The following LRRC7 variants were observed in gnomAD, a reference collection of about 807,000 sequenced individuals.
The protein encoded by LRRC7 is leucine rich repeat containing 7, also known as leucine-rich repeat-containing protein 7.
In LRRC7, 23 loss-of-function variants were observed where a neutral mutation model predicts 175.7. The ratio of observed to expected loss-of-function variants is 0.13; its 90% CI spans 0.09 to 0.19. The LOEUF (loss-of-function observed/expected upper bound fraction) is 0.19, where lower values mean the gene tolerates loss of function less well. Ranked by LOEUF, LRRC7 falls within the 10% of genes least tolerant of loss-of-function variation. The probability of loss-of-function intolerance (pLI) is 1.00; values close to 1 mark genes in which losing one functional copy is unlikely to be tolerated. For missense variants in LRRC7, 1,354 were observed against 1,904.7 expected (o/e 0.71, Z 5.38); for synonymous variants, 685 against 680.9 (o/e 1.01, Z -0.09).
intron 7 of LRRC7, among the ~76,000 whole-genome samples, chr1:69,863,594 C>G (rs1428002560): frequency 6.6e-5 from 10 of 152,006 alleles, no homozygotes; most frequent in Non-Finnish European, 1.5e-5. Flanking sequence ...AAAAGTAAAC[C>G]CTATCTTTGT....
In LRRC7 at chr1:70,044,419, T is replaced by TAG. The variant is rs533535992; in HGVS notation, c.4110+326_4110+327insGA. On this transcript the variant is annotated intron_variant, in intron 22 of 26. Transcript: ENST00000651989. ...CCTTTGTTTTTCTTTATTTTGTGTT[T>TAG]ATATATATGTTTTTTACTTTTTTGG... Among the ~76,000 whole-genome samples the TAG allele has an allele frequency of 2.4e-3, 359 of 152,250 alleles. 1 individual carries two copies. The highest frequency in any genetic ancestry group is 8.1e-3 in the African/African-American group (337 of 41,564).
intron 24 of LRRC7, among the ~76,000 whole-genome samples, chr1:70,077,337 C>T (rs1357416849): frequency 6.6e-6 from 1 of 152,136 alleles, no homozygotes; most frequent in Non-Finnish European, 1.5e-5. Context: ...CTGCCTTAGT[C>T]TAGGTCAAGT....
At chr1:69,939,033 A>ATATATATATG (rs1553178496) in intron 8 of LRRC7, among the ~76,000 whole-genome samples, 3 of 69,292 alleles carry the variant, frequency 4.3e-5, no homozygotes, top group African/African-American at 1.2e-4. Flanking sequence ...ATATATATCT[A>ATATATATATG]TATATATCTA....
intron 1 of LRRC7, among the ~76,000 whole-genome samples, chr1:69,676,007 G>GCACA (rs57846147): frequency 0.068 from 10,064 of 147,486 alleles, 395 homozygotes; most frequent in East Asian, 0.14. Context: ...ATGAGTGCAT[G>GCACA]CACACACACA....
chr1:69,584,848 C>G (rs1371293211), intron 1 of LRRC7, among the ~76,000 whole-genome samples: 1 of 152,144 alleles, frequency 6.6e-6, no homozygotes, highest in African/African-American at 2.4e-5. Flanking sequence ...TTCTTTCAGA[C>G]TAGAAAAGGC....
intron 17 of LRRC7, among the ~76,000 whole-genome samples, chr1:70,024,997 T>C (rs1409786004): frequency 1.3e-5 from 2 of 152,104 alleles, no homozygotes; most frequent in Non-Finnish European, 2.9e-5. Context: ...ACAGTATTTC[T>C]TCCACAATAT....
chr1:69,983,971 G>C (rs1474940053), intron 9 of LRRC7, among the ~76,000 whole-genome samples: 2 of 152,074 alleles, frequency 1.3e-5, no homozygotes, highest in Non-Finnish European at 2.9e-5. Flanking sequence ...TGTTGCCCAG[G>C]CTGGAGTTCA....
chr1:69,668,745 A>T (rs1658636807), intron 1 of LRRC7, among the ~76,000 whole-genome samples: 1 of 152,186 alleles, frequency 6.6e-6, no homozygotes, highest in African/African-American at 2.4e-5. Context: ...TGGTTGAAAT[A>T]ATTTACATGC....
At chr1:69,700,773 A>C (rs1274360513) in intron 2 of LRRC7, among the ~76,000 whole-genome samples, 3 of 152,200 alleles carry the variant, frequency 2.0e-5, no homozygotes, top group Non-Finnish European at 4.4e-5. Context: ...TGCCACCATT[A>C]ATATGACTCA....
intron 7 of LRRC7, among the ~76,000 whole-genome samples, chr1:69,908,213 C>A (rs1371009147): frequency 1.3e-5 from 2 of 152,172 alleles, no homozygotes; most frequent in East Asian, 1.9e-4. Flanking sequence ...AAAAAACCAG[C>A]TCCTGGATTC....
chr1:69,968,826 G>GT (rs111997533), intron 8 of LRRC7, among the ~76,000 whole-genome samples: 10,168 of 147,312 alleles, frequency 0.069, 352 homozygotes, highest in South Asian at 0.12. Context: ...TTTTGTTTTT[G>GT]TTTTTTTTTT....
intron 2 of LRRC7, among the ~76,000 whole-genome samples, chr1:69,725,753 G>A (rs1666898696): frequency 6.6e-6 from 1 of 152,184 alleles, no homozygotes; most frequent in Non-Finnish European, 1.5e-5. Flanking sequence ...GGCCATGATG[G>A]CCAGAGAGAG....
intron 7 of LRRC7, among the ~76,000 whole-genome samples, chr1:69,905,707 G>C (rs1419713427): frequency 6.6e-6 from 1 of 152,112 alleles, no homozygotes; most frequent in Non-Finnish European, 1.5e-5. Context: ...GAATAGTGCT[G>C]CAATAAACAT....
At chr1:69,888,568 AC>A (rs1417917377) in intron 7 of LRRC7, among the ~76,000 whole-genome samples, 3 of 151,904 alleles carry the variant, frequency 2.0e-5, no homozygotes, top group Admixed American at 2.0e-4. Flanking sequence ...TGCAGAAATC[AC>A]CCGTCTTCTG....
At chr1:69,845,695 C>T (rs1254333380) in intron 7 of LRRC7, among the ~76,000 whole-genome samples, 1 of 151,994 alleles carries the variant, frequency 6.6e-6, no homozygotes, top group East Asian at 1.9e-4. Flanking sequence ...CATTATGCTA[C>T]CCTACTAGCT....
At chr1:70,108,807 A>G (rs1043375632) in intron 26 of LRRC7, among the ~76,000 whole-genome samples, 6 of 152,230 alleles carry the variant, frequency 3.9e-5, no homozygotes, top group African/African-American at 1.4e-4. Flanking sequence ...CCTTAGATCA[A>G]CTATACAAAC....
intron 3 of LRRC7, among the ~76,000 whole-genome samples, chr1:69,774,304 A>G (rs1403076007): frequency 6.6e-6 from 1 of 152,232 alleles, no homozygotes; most frequent in Non-Finnish European, 1.5e-5. Context: ...ATTTAGAAAT[A>G]TAATTGCTTG....
At chr1:69,597,498 G>T (rs1205880369) in intron 1 of LRRC7, among the ~76,000 whole-genome samples, 1 of 152,086 alleles carries the variant, frequency 6.6e-6, no homozygotes, top group Admixed American at 6.6e-5. Context: ...TCTACCATAT[G>T]CTATAAATTA....
Position 69,602,627 on chromosome 1 carries a change from A to G in LRRC7, c.2+33986A>G, listed in dbSNP as rs569398779. Among the ~76,000 whole-genome samples the G allele has an allele frequency of 3.3e-5, 5 of 152,294 alleles. No homozygotes were observed. The South Asian group carries it at 1.0e-3, about 32-fold the overall frequency. Reference sequence around the variant, plus strand: ...GGGTAGCTAAAACCAACAAAAATGTATTCTTTCATAATTCTGGTGACCAGA... The same window carrying G: ...GGGTAGCTAAAACCAACAAAAATGTGTTCTTTCATAATTCTGGTGACCAGA... On this transcript the variant is annotated intron_variant, in intron 1 of 26. Coordinates refer to ENST00000651989, the MANE Select transcript of LRRC7 (RefSeq NM_001370785.2).
Sources: allele counts gnomAD v4.1 joint callset (sites outside exome capture counted in the v4.1 genomes callset), GRCh38; gene constraint gnomAD v4.1.1; transcripts MANE v1.5; gene names NCBI Gene and HGNC (gene_info 2026-07-23, HGNC 2026-07-21).